Variants in WWOX observed in about 807,000 individuals in gnomAD.
WWOX encodes WW domain-containing oxidoreductase.
A neutral mutation model predicts 46.2 loss-of-function variants in WWOX; 69 were observed. The observed-to-expected ratio is 1.49, with a 90% confidence interval of 1.23 to 1.82. The LOEUF is 1.82. Ranked by LOEUF, WWOX falls within the 40% of genes most tolerant of loss-of-function variation. The pLI, the probability that WWOX is intolerant of heterozygous loss-of-function variation, is 0.00. For synonymous variants in WWOX, 359 were observed against 202.6 expected (o/e 1.77, Z -6.56); for missense variants, 919 against 542.6 (o/e 1.69, Z -6.89).
chr16:78,633,190 A>G (rs1019672689), intron 8 of WWOX, among the ~76,000 whole-genome samples: 8 of 152,134 alleles, frequency 5.3e-5, no homozygotes, highest in Non-Finnish European at 7.4e-5. Context: ...TGAGCCTGGG[A>G]GGCAGAGGTT....
chr16:78,392,981 G>T (rs1181024467), intron 6 of WWOX, among the ~76,000 whole-genome samples: 3 of 152,084 alleles, frequency 2.0e-5, no homozygotes, highest in Non-Finnish European at 4.4e-5. Flanking sequence ...AGCGGTCGTC[G>T]GCCAGTGTGT....
intron 5 of WWOX, among the ~76,000 whole-genome samples, chr16:78,385,690 C>A (rs1452756569): frequency 6.6e-6 from 1 of 152,162 alleles, no homozygotes; most frequent in Admixed American, 6.5e-5. Context: ...CTCAGCAGTG[C>A]CATTTGCATC....
chr16:78,369,394 C>T (rs747367998), intron 5 of WWOX, among the ~76,000 whole-genome samples: 46 of 152,222 alleles, frequency 3.0e-4, no homozygotes, highest in Non-Finnish European at 6.2e-4. Context: ...GCTTTCTTGA[C>T]TAAGTTAGTG....
chr16:78,816,502 CTTTTTTTT>C lies in WWOX; in HGVS notation c.1056+383773_1056+383780del, dbSNP rs55814418. On this transcript the variant is annotated intron_variant, in intron 8 of 8. Coordinates refer to ENST00000566780, the MANE Select transcript of WWOX (RefSeq NM_016373.4). Reference sequence around the variant, plus strand: ...ATCTACCAGACAAGAAGGAGCCACTCTTTTTTTTTTTTTTTTTTTTTTTTTTTTTTGAT... The same window carrying C: ...ATCTACCAGACAAGAAGGAGCCACTCTTTTTTTTTTTTTTTTTTTTTTGAT... Among the ~76,000 whole-genome samples, 30 of 42,090 alleles carry C rather than the reference CTTTTTTTT, an allele frequency of 7.1e-4. 2 individuals are homozygous for C. Among genetic ancestry groups the C allele is most frequent in the African/African-American group, 2.3e-3 (25 of 10,928 alleles). The allele number at this position is 42,090 out of a possible 152,430, so 27.6% of individuals were successfully genotyped here. A position where few individuals can be genotyped will look rare whatever the true frequency, so the allele number is the denominator to read the frequency against.
chr16:78,533,195 G>A (rs550862053), intron 8 of WWOX, among the ~76,000 whole-genome samples: 8 of 152,254 alleles, frequency 5.3e-5, no homozygotes, highest in African/African-American at 1.9e-4. Flanking sequence ...TCAGCCAGTT[G>A]GGAACAGAGT....
At chr16:78,326,588 CCG>C (rs201389241) in intron 5 of WWOX, among the ~76,000 whole-genome samples, 4,631 of 107,312 alleles carry the variant, frequency 0.043, 1,156 homozygotes, top group African/African-American at 0.13. Context: ...CCCCCCCCCC[CCG>C]CAATGCCTCA....
chr16:78,501,870 G>A (rs1232891961), intron 8 of WWOX, among the ~76,000 whole-genome samples: 10 of 152,124 alleles, frequency 6.6e-5, no homozygotes. Context: ...CCATGGTGGG[G>A]AAGGATGTTG....
chr16:79,072,193 G>T (rs903297920), intron 8 of WWOX, among the ~76,000 whole-genome samples: 10 of 152,042 alleles, frequency 6.6e-5, no homozygotes, highest in African/African-American at 1.7e-4. Context: ...AGCTGAGATG[G>T]GAGGATTGCT....
chr16:79,188,164 G>C (rs2051057423), intron 8 of WWOX, among the ~76,000 whole-genome samples: 1 of 152,184 alleles, frequency 6.6e-6, no homozygotes, highest in African/African-American at 2.4e-5. Context: ...ACGAAGTCTT[G>C]AGCTAAACGA....
chr16:78,142,963 A>G (rs2151709262), intron 4 of WWOX, among the ~76,000 whole-genome samples: 3 of 152,314 alleles, frequency 2.0e-5, no homozygotes, highest in Middle Eastern at 6.8e-3. Context: ...TAGTCATCTT[A>G]ATTCATTTAA....
At chr16:79,069,758 A>G (rs572976082) in intron 8 of WWOX, among the ~76,000 whole-genome samples, 49 of 152,308 alleles carry the variant, frequency 3.2e-4, no homozygotes, top group Middle Eastern at 3.4e-3. Context: ...TTATTAGGGA[A>G]AGAAGAGAAG....
chr16:78,521,122 T>G (rs2043339728), intron 8 of WWOX, among the ~76,000 whole-genome samples: 2 of 152,240 alleles, frequency 1.3e-5, no homozygotes, highest in Admixed American at 1.3e-4. Flanking sequence ...TTTAAAACAT[T>G]TGACAGCTGT....
chr16:78,606,841 G>C (rs891721794), intron 8 of WWOX, among the ~76,000 whole-genome samples: 2 of 151,016 alleles, frequency 1.3e-5, no homozygotes, highest in Non-Finnish European at 2.9e-5. Context: ...ATTAGCCTGT[G>C]TTGAATGTAA....
intron 8 of WWOX, chr16:79,004,201 T>TC (rs1414751248): frequency 3.9e-5 from 6 of 152,120 alleles, no homozygotes; most frequent in Non-Finnish European, 8.8e-5. Context: ...CCCTGTTGAG[T>TC]CCCTGTGCAC....
intron 8 of WWOX, among the ~76,000 whole-genome samples, chr16:79,197,060 G>T (rs1056607009): frequency 1.3e-5 from 2 of 152,188 alleles, no homozygotes; most frequent in South Asian, 2.1e-4. Flanking sequence ...CCAGTAGGAA[G>T]TATAGTTACC....
At chr16:78,664,530 A>G (rs535728788) in intron 8 of WWOX, among the ~76,000 whole-genome samples, 1 of 152,314 alleles carries the variant, frequency 6.6e-6, no homozygotes, top group East Asian at 1.9e-4. Context: ...AGGGATTCCA[A>G]GCTTGTAAAT....
At chr16:79,011,506 T>TATTTATTTA (rs1555511501) in intron 8 of WWOX, among the ~76,000 whole-genome samples, 1 of 143,854 alleles carries the variant, frequency 7.0e-6, no homozygotes, top group African/African-American at 2.5e-5. Context: ...TTTATTTATT[T>TATTTATTTA]TTTGAGACAG....
At chr16:78,733,830 C>G (rs768157669) in intron 8 of WWOX, among the ~76,000 whole-genome samples, 13 of 151,930 alleles carry the variant, frequency 8.6e-5, no homozygotes, top group Admixed American at 2.6e-4. Flanking sequence ...CTTTGGGAGT[C>G]CAAGGCAAGA....
chr16:78,536,226 C>T (rs1428541562), intron 8 of WWOX, among the ~76,000 whole-genome samples: 1 of 152,074 alleles, frequency 6.6e-6, no homozygotes, highest in Non-Finnish European at 1.5e-5. Context: ...CCCTTTTGCC[C>T]CCACCAAAAT....
Sources: allele counts gnomAD v4.1 joint callset (sites outside exome capture counted in the v4.1 genomes callset), GRCh38; gene constraint gnomAD v4.1.1; transcripts MANE v1.5; gene names NCBI Gene and HGNC (gene_info 2026-07-23, HGNC 2026-07-21).